The following HIVEP2 variants were observed in gnomAD, a reference collection of about 807,000 sequenced individuals.
The protein encoded by HIVEP2 is transcription factor HIVEP2.
A neutral mutation model predicts 180.7 loss-of-function variants in HIVEP2; 14 were observed. That is an observed-to-expected ratio of 0.08 (90% CI 0.05 to 0.12). The LOEUF is 0.12. HIVEP2 is among the 10% of genes least tolerant of loss of function. The pLI, the probability that HIVEP2 is intolerant of heterozygous loss-of-function variation, is 1.00. For missense variants in HIVEP2, 2,579 were observed against 3,008.5 expected, an observed-to-expected ratio of 0.86 and a Z score of 3.34; for synonymous variants, 1,184 against 1,136.4, an observed-to-expected ratio of 1.04 and a Z score of -0.84.
chr6:142,778,089 C>A (rs1481467604), intron 3 of HIVEP2, among the ~76,000 whole-genome samples: 3 of 152,140 alleles, frequency 2.0e-5, no homozygotes, highest in African/African-American at 7.2e-5. Context: ...GCCATGAAGC[C>A]TAAGAGATTT....
intron 1 of HIVEP2, among the ~76,000 whole-genome samples, chr6:142,916,140 T>C (rs1270079032): frequency 1.1e-4 from 16 of 152,204 alleles, no homozygotes; most frequent in Admixed American, 1.0e-3. Flanking sequence ...ACCTCTTTAA[T>C]TCACTGTAGT....
chr6:142,884,206 A>G (rs1326473597), intron 1 of HIVEP2, among the ~76,000 whole-genome samples: 1 of 152,174 alleles, frequency 6.6e-6, no homozygotes, highest in African/African-American at 2.4e-5. Context: ...CTTGGAATGC[A>G]TCTCATAATT....
chr6:142,753,708 A>G lies in HIVEP2; in HGVS notation c.6740T>C (p.Leu2247Ser), dbSNP rs777622189. The G allele has an allele frequency of 6.2e-7, 1 of 1,614,164 alleles. No homozygotes were observed. The highest frequency in any genetic ancestry group is 1.1e-5 in the South Asian group (1 of 91,082). Residue 2247 changes from leucine (L) to serine (S), a missense_variant, in exon 10 of 10, where the codon TTA becomes TCA. Around this residue, in one of 11 missense-constraint regions of HIVEP2, gnomAD observed 660 missense variants for 731.7 expected, o/e 0.90. Transcript: ENST00000367603. ...VHSMPPALSS[L>S]HPSPTLPLPM... ...CAGGGGCAATGTGGGTGAAGGATGTAAACTGGAAAGGGCTGGCGGCATGGA... is the reference window on the plus strand; with the variant it reads ...CAGGGGCAATGTGGGTGAAGGATGTGAACTGGAAAGGGCTGGCGGCATGGA...
In HIVEP2 at chr6:142,773,221, C is replaced by T; in HGVS notation, c.1518G>A (p.Gln506=). The change falls in exon 5 of 10, where the codon CAG becomes CAA. Residue 506 remains glutamine (Q), a synonymous_variant. Transcript: ENST00000367603. ...TKFNSESRQP[Q]IIPSSIRNEG... is the part of the protein sequence containing the mutation. ...CGTTCCTGATAGATGATGGAATAAT[C>T]TGGGGTTGTCTGGACTCACTGTTGA... is the stretch of plus-strand genomic sequence containing the variant. The T allele has an allele frequency of 6.2e-7, 1 of 1,614,192 alleles. No individual in the cohort carries two copies. The highest frequency in any genetic ancestry group is 8.5e-7 in the Non-Finnish European group (1 of 1,180,034).
chr6:142,794,009 A>G (rs896245697), intron 2 of HIVEP2: 7 of 152,142 alleles, frequency 4.6e-5, no homozygotes, highest in Non-Finnish European at 8.8e-5. Flanking sequence ...AAATGAAGTG[A>G]TATGGGAGAA....
intron 1 of HIVEP2, among the ~76,000 whole-genome samples, chr6:142,898,001 A>G (rs1307994056): frequency 6.6e-6 from 1 of 152,152 alleles, no homozygotes. Context: ...GGATGAGTGA[A>G]CGAGCATGGC....
intron 1 of HIVEP2, among the ~76,000 whole-genome samples, chr6:142,855,326 T>G (rs1008235847): frequency 1.2e-4 from 19 of 152,298 alleles, no homozygotes; most frequent in Admixed American, 5.2e-4. Context: ...GGACCAATCT[T>G]TGTGTGTGCA....
intron 2 of HIVEP2, among the ~76,000 whole-genome samples, chr6:142,829,517 T>C (rs1259503519): frequency 6.6e-6 from 1 of 152,234 alleles, no homozygotes; most frequent in African/African-American, 2.4e-5. Context: ...CTGAGGACCC[T>C]AGTACAAGTT....
chr6:142,763,157 G>T (rs1366371282), intron 7 of HIVEP2, among the ~76,000 whole-genome samples: 1 of 152,162 alleles, frequency 6.6e-6, no homozygotes, highest in Non-Finnish European at 1.5e-5. Context: ...TTCAGAATAG[G>T]TCTGTAGCTA....
intron 1 of HIVEP2, among the ~76,000 whole-genome samples, chr6:142,914,197 A>C (rs1045872007): frequency 7.2e-5 from 11 of 152,154 alleles, no homozygotes; most frequent in African/African-American, 2.7e-4. Flanking sequence ...TGTGCCATCA[A>C]ATTTAAGTGG....
At chr6:142,924,745 T>C (rs1437307271) in intron 1 of HIVEP2, among the ~76,000 whole-genome samples, 1 of 152,224 alleles carries the variant, frequency 6.6e-6, no homozygotes, top group African/African-American at 2.4e-5. Flanking sequence ...GGTACTGGGT[T>C]TGGATTAATG....
At chr6:142,928,470 C>A (rs1777866162) in intron 1 of HIVEP2, among the ~76,000 whole-genome samples, 2 of 152,096 alleles carry the variant, frequency 1.3e-5, no homozygotes, top group Non-Finnish European at 2.9e-5. Flanking sequence ...ATGGTAAAGG[C>A]ACATCAAAGA....
intron 2 of HIVEP2, among the ~76,000 whole-genome samples, chr6:142,809,028 C>T (rs974539657): frequency 5.3e-5 from 8 of 152,126 alleles, no homozygotes; most frequent in Admixed American, 2.6e-4. Flanking sequence ...CACACAAATC[C>T]GAGTACAAGG....
At chr6:142,887,235 GAAC>G (rs1776721492) in intron 1 of HIVEP2, among the ~76,000 whole-genome samples, 4 of 150,330 alleles carry the variant, frequency 2.7e-5, no homozygotes. Context: ...TTTGGAAAAT[GAAC>G]AATAAAGAAA....
intron 1 of HIVEP2, among the ~76,000 whole-genome samples, chr6:142,847,904 T>C (rs915528302): frequency 2.6e-5 from 4 of 152,182 alleles, no homozygotes; most frequent in Admixed American, 2.6e-4. Context: ...AGGAAACATG[T>C]TTCTTATTTT....
intron 2 of HIVEP2, among the ~76,000 whole-genome samples, chr6:142,805,613 C>T (rs1414995773): frequency 2.0e-5 from 3 of 151,702 alleles, no homozygotes; most frequent in South Asian, 4.2e-4. Flanking sequence ...GGACCTTATA[C>T]AGAAAATAGC....
intron 2 of HIVEP2, among the ~76,000 whole-genome samples, chr6:142,801,904 T>G (rs963220349): frequency 6.6e-6 from 1 of 152,160 alleles, no homozygotes; most frequent in African/African-American, 2.4e-5. Context: ...TATATCCTTC[T>G]CCTTAAAGTT....
chr6:142,944,826 C>G (rs1778275950), intron 1 of HIVEP2: 1 of 152,528 alleles, frequency 6.6e-6, no homozygotes, highest in Non-Finnish European at 1.5e-5. Flanking sequence ...CGGGTCCAGC[C>G]GGCAGCGGCC....
chr6:142,804,351 T>C (rs1180322186), intron 2 of HIVEP2, among the ~76,000 whole-genome samples: 3 of 152,124 alleles, frequency 2.0e-5, no homozygotes, highest in Non-Finnish European at 4.4e-5. Context: ...GGTACAATAA[T>C]AGGGTCACAC....
Sources: gnomAD v4.1 joint callset for allele counts (sites outside exome capture counted in the v4.1 genomes callset) on GRCh38, gnomAD v4.1.1 for gene constraint, gnomAD v4.1.1 regional missense constraint, MANE v1.5 for transcripts, NCBI Gene and HGNC (gene_info 2026-07-23, HGNC 2026-07-21) for gene names.